The following YAF2 variants were observed in gnomAD, a reference collection of about 807,000 sequenced individuals.
YAF2 encodes YY1-associated factor 2.
In YAF2, 7 loss-of-function variants were observed where a neutral mutation model predicts 20.1. The ratio of observed to expected loss-of-function variants is 0.35; its 90% CI spans 0.20 to 0.65. YAF2 has a LOEUF of 0.65. Among genes scored for constraint, YAF2 ranks in the 30% least tolerant of loss-of-function variants. The probability of loss-of-function intolerance (pLI) is 0.69; values close to 1 mark genes in which losing one functional copy is unlikely to be tolerated. For missense variants in YAF2, 151 were observed against 219.2 expected (o/e 0.69, Z 1.96); for synonymous variants, 74 against 76.0 (o/e 0.97, Z 0.14).
chr12:42,177,157 T>C (rs992658215), intron 2 of YAF2, among the ~76,000 whole-genome samples: 1 of 152,044 alleles, frequency 6.6e-6, no homozygotes, highest in African/African-American at 2.4e-5. Flanking sequence ...ATCAACAAAA[T>C]CCAAAATTAT....
intron 2 of YAF2, among the ~76,000 whole-genome samples, chr12:42,166,075 T>C (rs2065910698): frequency 6.6e-6 from 1 of 152,018 alleles, no homozygotes; most frequent in East Asian, 1.9e-4. Context: ...TGTGCCACCA[T>C]GCCTGGCTAA....
At chr12:42,197,043 C>T (rs923376316) in intron 2 of YAF2, among the ~76,000 whole-genome samples, 1 of 152,164 alleles carries the variant, frequency 6.6e-6, no homozygotes, top group Non-Finnish European at 1.5e-5. Flanking sequence ...ATTTCATTGT[C>T]CTCAGTAAAT....
chr12:42,207,794 G>GGCACGAGAATGGCGTGAAC (rs2067092600), intron 2 of YAF2, among the ~76,000 whole-genome samples: 1 of 151,336 alleles, frequency 6.6e-6, no homozygotes. Flanking sequence ...GGGAGGCTGA[G>GGCACGAGAATGGCGTGAAC]GCAGGAGAAT....
chr12:42,235,549 A>G, intron 2 of YAF2: 2 of 1,363,654 alleles, frequency 1.5e-6, no homozygotes, highest in Non-Finnish European at 1.9e-6. Flanking sequence ...AGCCAAAATC[A>G]AAAGAGAAGA....
chr12:42,222,004 A>G (rs1214876071), intron 2 of YAF2, among the ~76,000 whole-genome samples: 1 of 152,250 alleles, frequency 6.6e-6, no homozygotes, highest in Non-Finnish European at 1.5e-5. Context: ...TAAAATTCTC[A>G]GTAATTCTAT....
At chr12:42,169,878 CT>C (rs71434389) in intron 2 of YAF2, among the ~76,000 whole-genome samples, 52 of 145,542 alleles carry the variant, frequency 3.6e-4, no homozygotes, top group Non-Finnish European at 4.7e-4. Context: ...TCTCTCCTTT[CT>C]TTTTTTTTTA....
At chr12:42,214,330 G>A (rs1321659044) in intron 2 of YAF2, among the ~76,000 whole-genome samples, 1 of 152,092 alleles carries the variant, frequency 6.6e-6, no homozygotes, top group Non-Finnish European at 1.5e-5. Flanking sequence ...GGAGTGCAGT[G>A]GCACAATCTC....
intron 2 of YAF2, among the ~76,000 whole-genome samples, chr12:42,200,046 T>C (rs2066857827): frequency 6.6e-6 from 1 of 152,204 alleles, no homozygotes; most frequent in Non-Finnish European, 1.5e-5. Context: ...AGTGCATCAG[T>C]TATGCATTCA....
At chr12:42,234,326 T>G (rs1162094652) in intron 2 of YAF2, 5 of 985,470 alleles carry the variant, frequency 5.1e-6, no homozygotes, top group Non-Finnish European at 6.0e-6. Context: ...TCCTGTCAGT[T>G]TGACATTTAC....
chr12:42,182,843 A>G (rs2066378221), intron 2 of YAF2, among the ~76,000 whole-genome samples: 2 of 152,248 alleles, frequency 1.3e-5, no homozygotes, highest in South Asian at 2.1e-4. Context: ...AGTGATATCC[A>G]TATCAGGACA....
At chr12:42,200,516 T>C (rs1299345372) in intron 2 of YAF2, among the ~76,000 whole-genome samples, 1 of 152,174 alleles carries the variant, frequency 6.6e-6, no homozygotes, top group Admixed American at 6.5e-5. Flanking sequence ...AAGGTCAATC[T>C]TTCCAGTGCT....
intron 2 of YAF2, among the ~76,000 whole-genome samples, chr12:42,185,747 A>G (rs2066456813): frequency 1.3e-5 from 2 of 152,226 alleles, no homozygotes; most frequent in Admixed American, 6.5e-5. Flanking sequence ...ATATAATGCT[A>G]TTATTACACA....
At chr12:42,228,666 G>T (rs2067865644) in intron 2 of YAF2, among the ~76,000 whole-genome samples, 3 of 105,530 alleles carry the variant, frequency 2.8e-5, no homozygotes, top group Admixed American at 2.4e-4. Context: ...TGGGGGGGGG[G>T]TCAGCCCCCC....
In YAF2 at chr12:42,235,238, G is replaced by A. The variant is rs181823112; in HGVS notation, c.152+2361C>T. 2.4e-3 allele frequency: 2,427 copies of A among 996,618 alleles called. 1 individual carries two copies. Among genetic ancestry groups the A allele is most frequent in the Non-Finnish European group, 2.8e-3 (2,302 of 836,226 alleles). 61.7% of individuals were successfully genotyped at this position (996,618 alleles called of 1,614,324 possible). A position where few individuals can be genotyped will look rare whatever the true frequency, so the allele number is the denominator to read the frequency against. ...CTGCAGCTATCCAGTCTTGGCTTTA[G>A]TACTTGCCAACCTTACTCTGGAAAT... On this transcript the variant is annotated intron_variant, in intron 2 of 3. Transcript: ENST00000534854.
intron 2 of YAF2, among the ~76,000 whole-genome samples, chr12:42,164,793 AG>A (rs1232217380): frequency 6.6e-6 from 1 of 152,118 alleles, no homozygotes; most frequent in Admixed American, 6.6e-5. Flanking sequence ...TTTACAACCA[AG>A]CGTGGTGGCT....
intron 2 of YAF2, among the ~76,000 whole-genome samples, chr12:42,175,145 T>C (rs997907726): frequency 6.6e-6 from 1 of 152,116 alleles, no homozygotes. Flanking sequence ...AACAGGTGAA[T>C]GGATAAAGAA....
chr12:42,188,383 C>G (rs1321474610), intron 2 of YAF2, among the ~76,000 whole-genome samples: 1 of 118,856 alleles, frequency 8.4e-6, no homozygotes, highest in Non-Finnish European at 1.8e-5. Flanking sequence ...ATATATTTTG[C>G]TTTTTTTTTT....
At chr12:42,206,911 GACCCA>G (rs2067060177) in intron 2 of YAF2, among the ~76,000 whole-genome samples, 1 of 151,892 alleles carries the variant, frequency 6.6e-6, no homozygotes, top group Non-Finnish European at 1.5e-5. Context: ...AAAGTACAAT[GACCCA>G]TATACCTTCT....
rs1296578689 is a variant in YAF2 at position 42,160,715 on chromosome 12, T to A, written c.417A>T (p.Ala139=). 5.6e-6 allele frequency: 9 copies of A among 1,613,644 alleles called. No homozygotes were observed. Residue 139 remains alanine (A), a synonymous_variant, in exon 4 of 4, where the codon GCA becomes GCT. Coordinates refer to ENST00000534854, the MANE Select transcript of YAF2 (RefSeq NM_005748.6). Reference sequence around the variant, plus strand: ...GTTGATCTGCAGAAGCAGCACTAGATGCAGGCGGTGACTTTGTTTTCTCCT... The same window carrying A: ...GTTGATCTGCAGAAGCAGCACTAGAAGCAGGCGGTGACTTTGTTTTCTCCT... ...DFKEKTKSPP[A]SSAASADQHS...
Sources: allele counts gnomAD v4.1 joint callset (sites outside exome capture counted in the v4.1 genomes callset), GRCh38; gene constraint gnomAD v4.1.1; transcripts MANE v1.5; gene names NCBI Gene and HGNC (gene_info 2026-07-23, HGNC 2026-07-21).